The following FREM1 variants were observed in gnomAD, a reference collection of about 807,000 sequenced individuals.
FREM1 encodes FRAS1 related extracellular matrix 1.
FREM1 carries 220 observed loss-of-function variants against 210.1 expected under a neutral mutation model. The ratio of observed to expected loss-of-function variants is 1.05; its 90% CI spans 0.94 to 1.17. The LOEUF (loss-of-function observed/expected upper bound fraction) is 1.17, where lower values mean the gene tolerates loss of function less well. Ranked by LOEUF, FREM1 falls within the 50% of genes most tolerant of loss-of-function variation. The pLI is 0.00. For synonymous variants in FREM1, 1,189 were observed against 980.2 expected (o/e 1.21, Z -3.98); for missense variants, 3,454 against 2,675.5 (o/e 1.29, Z -6.42).
intron 25 of FREM1, among the ~76,000 whole-genome samples, chr9:14,774,438 A>T (rs1239931394): frequency 6.6e-6 from 1 of 151,918 alleles, no homozygotes; most frequent in African/African-American, 2.4e-5. Flanking sequence ...GTAGCCTGCC[A>T]ACGTGCCCTG....
rs1433669198 is a variant in FREM1 at position 14,760,328 on chromosome 9, C to T, written c.5205-427G>A. On this transcript the variant is annotated intron_variant, in intron 27 of 36. Transcript: ENST00000380880. ...ATTTAGATAAGGATAATTGGTACAA[C>T]AAGAACAATTCCAGACAGAGATATT... Among the ~76,000 whole-genome samples, 3 of 152,128 alleles carry T rather than the reference C, an allele frequency of 2.0e-5. No individual in the cohort carries two copies. The East Asian group carries it at 5.8e-4, about 29-fold the overall frequency.
At chr9:14,867,903 G>C (rs1831846680) in intron 2 of FREM1, among the ~76,000 whole-genome samples, 1 of 152,116 alleles carries the variant, frequency 6.6e-6, no homozygotes, top group African/African-American at 2.4e-5. Flanking sequence ...AGCAAAAACA[G>C]TGTTAGAGAA....
chr9:14,868,114 A>G (rs541147483), intron 2 of FREM1, among the ~76,000 whole-genome samples: 1 of 152,326 alleles, frequency 6.6e-6, no homozygotes, highest in East Asian at 1.9e-4. Context: ...TTACTCAGAA[A>G]AAATGTTTAA....
chr9:14,774,084 T>C (rs777899486), intron 25 of FREM1: 2 of 518,830 alleles, frequency 3.9e-6, no homozygotes, highest in Non-Finnish European at 7.7e-6. Context: ...GATGTCAATA[T>C]CTTCTTTCTT....
At chr9:14,876,635 T>G in intron 1 of FREM1, among the ~76,000 whole-genome samples, 1 of 152,108 alleles carries the variant, frequency 6.6e-6, no homozygotes, top group Non-Finnish European at 1.5e-5. Context: ...GCTTCCCAAG[T>G]GAGGCAATGC....
At chr9:14,872,321 C>T (rs200670930) in intron 1 of FREM1, among the ~76,000 whole-genome samples, 6 of 151,928 alleles carry the variant, frequency 3.9e-5, no homozygotes, top group African/African-American at 1.2e-4. Context: ...TCTTCCATTT[C>T]TTTGTATCCT....
At chr9:14,891,330 G>A (rs557444641) in intron 1 of FREM1, among the ~76,000 whole-genome samples, 3 of 152,318 alleles carry the variant, frequency 2.0e-5, no homozygotes, top group African/African-American at 2.4e-5. Context: ...CAAGTGCTAC[G>A]TTAAGTGCTG....
chr9:14,809,137 T>C (rs1818927449), intron 16 of FREM1, among the ~76,000 whole-genome samples: 1 of 152,202 alleles, frequency 6.6e-6, no homozygotes, highest in African/African-American at 2.4e-5. Flanking sequence ...TGAGATCCAA[T>C]GGTTTTAAAA....
chr9:14,807,318 C>A (rs537837579), intron 17 of FREM1, among the ~76,000 whole-genome samples: 2 of 152,116 alleles, frequency 1.3e-5, no homozygotes. Flanking sequence ...TTGCTCATAA[C>A]GAAGAGTTTT....
chr9:14,783,352 T>C (rs559403003), intron 24 of FREM1, among the ~76,000 whole-genome samples: 2 of 152,322 alleles, frequency 1.3e-5, no homozygotes, highest in African/African-American at 2.4e-5. Flanking sequence ...TGGGAACCCA[T>C]TGAATAATAT....
At chr9:14,775,752 A>C in intron 25 of FREM1, 37 bp downstream of exon 25, 4 of 1,189,878 alleles carry the variant, frequency 3.4e-6, no homozygotes, top group South Asian at 1.3e-5. Flanking sequence ...CACTGTTTTC[A>C]CATCTCTGGC....
intron 1 of FREM1, among the ~76,000 whole-genome samples, chr9:14,877,837 C>A (rs773597812): frequency 6.6e-6 from 1 of 152,162 alleles, no homozygotes; most frequent in South Asian, 2.1e-4. Context: ...AATCTGACCC[C>A]AGACCAAGGG....
chr9:14,811,562 C>A (rs1819413308), intron 16 of FREM1, among the ~76,000 whole-genome samples: 1 of 152,048 alleles, frequency 6.6e-6, no homozygotes, highest in African/African-American at 2.4e-5. Context: ...AAGGTAATCA[C>A]CCAGGAAAGC....
At chr9:14,860,069 G>A (rs764378185) in intron 3 of FREM1, among the ~76,000 whole-genome samples, 3 of 151,964 alleles carry the variant, frequency 2.0e-5, no homozygotes, top group Non-Finnish European at 2.9e-5. Context: ...TTTTTTGAAG[G>A]GAGAAGATTA....
intron 10 of FREM1, among the ~76,000 whole-genome samples, chr9:14,829,267 C>A (rs1202266005): frequency 1.3e-5 from 2 of 152,136 alleles, no homozygotes; most frequent in Non-Finnish European, 2.9e-5. Flanking sequence ...TATAACATTT[C>A]TTTTATAATA....
Position 14,794,795 on chromosome 9 carries a change from C to A in FREM1, c.3840-1911G>T, listed in dbSNP as rs141244535. ...CAGGCAGATCACGAGGTCAGGAGAT[C>A]GAGACCATACTGGCCAACATGGTGA... On this transcript the variant is annotated intron_variant, in intron 21 of 36. Coordinates refer to ENST00000380880, the MANE Select transcript of FREM1 (RefSeq NM_001379081.2). 1.3e-4 allele frequency among the ~76,000 whole-genome samples: 20 copies of A among 151,884 alleles called. No homozygotes were observed. In the East Asian group the frequency reaches 3.9e-3, roughly 30 times the overall value.
intron 10 of FREM1, among the ~76,000 whole-genome samples, chr9:14,840,172 T>C (rs1006970489): frequency 6.6e-6 from 1 of 152,202 alleles, no homozygotes; most frequent in African/African-American, 2.4e-5. Context: ...TCAGTGTCTA[T>C]GACATTATGG....
intron 13 of FREM1, among the ~76,000 whole-genome samples, chr9:14,822,688 T>C (rs546437593): frequency 1.1e-4 from 17 of 152,302 alleles, no homozygotes; most frequent in African/African-American, 3.8e-4. Flanking sequence ...CCAAGTCCTT[T>C]CAGGCTTACA....
intron 6 of FREM1, among the ~76,000 whole-genome samples, chr9:14,850,017 C>T (rs1405177861): frequency 6.6e-6 from 1 of 152,182 alleles, no homozygotes; most frequent in Non-Finnish European, 1.5e-5. Context: ...CTTGAGGCTA[C>T]ATGCTGAAAA....
Sources: allele counts gnomAD v4.1 joint callset (sites outside exome capture counted in the v4.1 genomes callset), GRCh38; gene constraint gnomAD v4.1.1; transcripts MANE v1.5; gene names NCBI Gene and HGNC (gene_info 2026-07-23, HGNC 2026-07-21).